The following GMEB2 variants were observed in gnomAD, a reference collection of about 807,000 sequenced individuals.
GMEB2 encodes glucocorticoid modulatory element-binding protein 2.
GMEB2 carries 7 observed loss-of-function variants against 45.7 expected under a neutral mutation model. The ratio of observed to expected loss-of-function variants is 0.15; its 90% CI spans 0.09 to 0.29. The LOEUF (loss-of-function observed/expected upper bound fraction) is 0.29. GMEB2 is among the 10% of genes least tolerant of loss of function. GMEB2 has a pLI of 1.00. For missense variants in GMEB2, 582 were observed against 739.2 expected, an observed-to-expected ratio of 0.79 and a Z score of 2.47; for synonymous variants, 322 against 323.6, an observed-to-expected ratio of 1.00 and a Z score of 0.05.
intron 2 of GMEB2, among the ~76,000 whole-genome samples, chr20:63,613,534 T>TC (rs2089585954): frequency 1.3e-5 from 2 of 151,668 alleles, no homozygotes; most frequent in South Asian, 4.2e-4. Flanking sequence ...TTTTTTTTTT[T>TC]TTTGAGACTG....
chr20:63,604,879 C>G lies in GMEB2; in HGVS notation c.132-39G>C, dbSNP rs201384291. The G allele has an allele frequency of 4.4e-6, 5 of 1,147,234 alleles. No individual in the cohort carries two copies. In the Admixed American group the frequency reaches 8.4e-5, roughly 19 times the overall value. The allele number at this position is 1,147,234 out of a possible 1,614,324, so 71.1% of individuals were successfully genotyped here. On this transcript the variant is annotated intron_variant, in intron 2 of 9. Transcript: ENST00000370077. ...GGGAGGAGAGAATAGAATCAGGATC[C>G]CGGAGGGCACAACCTGCAGGGCACT...
At position 63,593,056 on chromosome 20, in the gene GMEB2, T is replaced by A. The variant is rs146548550; in HGVS notation, c.646A>T (p.Ile216Leu). Residue 216 changes from isoleucine (I) to leucine (L), a missense_variant, in exon 7 of 10, where the codon ATA (isoleucine) becomes TTA (leucine). By Grantham distance (5) the Ile-to-Leu change is conservative (BLOSUM62 2). Around this residue, in one of 3 missense-constraint regions of GMEB2, gnomAD observed 462 missense variants for 586.7 expected, o/e 0.79. Transcript: ENST00000370077. This position sits in a 1 kb window ranked among gnomAD's most constrained non-coding sequence, Gnocchi z 4.7. ...TCGCCAGGGTCTTCACAGGTCTCTATGGTGATGGTCGCAGGAGACCCATTC... is the reference window on the plus strand; with the variant it reads ...TCGCCAGGGTCTTCACAGGTCTCTAAGGTGATGGTCGCAGGAGACCCATTC... ...DVNGSPATIT[I>L]ETCEDPGDWT... The A allele has an allele frequency of 1.2e-6, 2 of 1,611,894 alleles. No individual in the cohort carries two copies. Among genetic ancestry groups the A allele is most frequent in the Non-Finnish European group, 1.7e-6 (2 of 1,178,746 alleles).
At chr20:63,614,690 A>G (rs1025285873) in intron 2 of GMEB2, among the ~76,000 whole-genome samples, 3 of 152,176 alleles carry the variant, frequency 2.0e-5, no homozygotes, top group African/African-American at 7.2e-5. Flanking sequence ...CATCCTGTGC[A>G]CCTGGCTCTG....
intron 1 of GMEB2, among the ~76,000 whole-genome samples, chr20:63,622,997 G>A (rs902894962): frequency 1.3e-5 from 2 of 152,146 alleles, no homozygotes; most frequent in Non-Finnish European, 2.9e-5. Flanking sequence ...AGCGCCCAGA[G>A]CCCAGAGAAC....
At position 63,601,369 on chromosome 20, in the gene GMEB2, G is replaced by C. The variant is rs184070415; in HGVS notation, c.357+1596C>G. ...TTCCAGAACTCAAATAGATGTGTTTGACTCTCGTGCTTCCTGAATAAATTG... is the reference window on the plus strand; with the variant it reads ...TTCCAGAACTCAAATAGATGTGTTTCACTCTCGTGCTTCCTGAATAAATTG... On this transcript the variant is annotated intron_variant, in intron 4 of 9. Transcript: ENST00000370077. Among the ~76,000 whole-genome samples the C allele has an allele frequency of 2.0e-5, 3 of 152,232 alleles. No individual in the cohort carries two copies. The East Asian group carries it at 5.8e-4, about 29-fold the overall frequency.
intron 4 of GMEB2, among the ~76,000 whole-genome samples, chr20:63,600,746 G>A (rs1365552791): frequency 1.3e-5 from 2 of 148,442 alleles, no homozygotes; most frequent in Non-Finnish European, 3.0e-5. Context: ...AAAAGACGGA[G>A]CAGCTTCTCA....
At chr20:63,606,639 G>A (rs1055597288) in intron 2 of GMEB2, among the ~76,000 whole-genome samples, 3 of 152,068 alleles carry the variant, frequency 2.0e-5, no homozygotes, top group African/African-American at 7.2e-5. Flanking sequence ...GAGCCACTGC[G>A]CCCAGCCACC....
At position 63,589,887 on chromosome 20, in the gene GMEB2, T is replaced by C. The variant is rs1366616943; in HGVS notation, c.*202A>G. On this transcript the variant is annotated 3_prime_UTR_variant, in exon 10 of 10. Coordinates refer to ENST00000370077, the MANE Select transcript of GMEB2 (RefSeq NM_012384.5). Reference sequence around the variant, plus strand: ...AAAAAGGGGGAGGAAACGTGGGACCTGAAGACCGATTTTCCAGGTTGCTCT... The same window carrying C: ...AAAAAGGGGGAGGAAACGTGGGACCCGAAGACCGATTTTCCAGGTTGCTCT... 4 of 436,342 alleles carry C rather than the reference T, an allele frequency of 9.2e-6. No individual in the cohort carries two copies. The highest frequency in any genetic ancestry group is 6.1e-5 in the African/African-American group (3 of 49,330). The allele number at this position is 436,342 out of a possible 1,614,324, so 27.0% of individuals were successfully genotyped here.
chr20:63,616,966 G>A (rs1267820647), intron 2 of GMEB2, among the ~76,000 whole-genome samples: 1 of 151,636 alleles, frequency 6.6e-6, no homozygotes. Flanking sequence ...GTAAGACTTT[G>A]ACCTTCTGGT....
intron 4 of GMEB2, among the ~76,000 whole-genome samples, chr20:63,599,336 G>A (rs1388123029): frequency 6.6e-6 from 1 of 152,226 alleles, no homozygotes; most frequent in Non-Finnish European, 1.5e-5. Flanking sequence ...GACTGGTCGG[G>A]TGACCCACGT....
chr20:63,614,579 G>A (rs1331834103), intron 2 of GMEB2, among the ~76,000 whole-genome samples: 1 of 152,166 alleles, frequency 6.6e-6, no homozygotes, highest in Non-Finnish European at 1.5e-5. Context: ...CTTGCGGAGG[G>A]CCTGACATCA....
chr20:63,623,986 T>C (rs866727317), intron 1 of GMEB2, among the ~76,000 whole-genome samples: 25 of 151,272 alleles, frequency 1.7e-4, no homozygotes, highest in African/African-American at 5.6e-4. Flanking sequence ...GGTGTGCCCA[T>C]GTAATCCCAG....
In GMEB2 at chr20:63,590,625, G is replaced by A; in HGVS notation, c.1057C>T (p.Pro353Ser). Reference sequence around the variant, plus strand: ...AGCCGGGGCCGCTTCACAGGCGGTGGCAGGGAGACCGGCGTCAGCGTCATG... The same window carrying A: ...AGCCGGGGCCGCTTCACAGGCGGTGACAGGGAGACCGGCGTCAGCGTCATG... The part of the protein sequence containing the change: ...VLMTLTPVSL[P>S]PPVKRPRLAR... Residue 353 changes from proline to serine, a missense_variant, in exon 10 of 10, where the codon CCA becomes TCA. Transcript: ENST00000370077. 6.3e-7 allele frequency: 1 copy of A among 1,591,108 alleles called. No homozygotes were observed. The highest frequency in any genetic ancestry group is 8.6e-7 in the Non-Finnish European group (1 of 1,167,406).
Position 63,619,518 on chromosome 20 carries a change from A to C in GMEB2, c.-57-64T>G. 22 of 966,434 alleles carry C rather than the reference A, an allele frequency of 2.3e-5. No individual in the cohort carries two copies. Among genetic ancestry groups the C allele is most frequent in the Non-Finnish European group, 3.2e-5 (21 of 665,662 alleles). The allele number at this position is 966,434 out of a possible 1,614,324, so 59.9% of individuals were successfully genotyped here. On this transcript the variant is annotated intron_variant, in intron 1 of 9. Coordinates refer to ENST00000370077, the MANE Select transcript of GMEB2 (RefSeq NM_012384.5). The surrounding 1 kb of genome is among the most constrained non-coding windows in gnomAD (Gnocchi z 4.6). ...TCCACATCCACACAACATAGCACTC[A>C]CAAAGGCATCTCTAATCAGCTCCAA...
chr20:63,624,101 C>A (rs931484566), intron 1 of GMEB2, among the ~76,000 whole-genome samples: 3 of 148,786 alleles, frequency 2.0e-5, no homozygotes, highest in East Asian at 2.0e-4. Context: ...CAGAGCAAGA[C>A]CCTGTCTCAG....
At chr20:63,599,116 C>T (rs1469163810) in intron 4 of GMEB2, among the ~76,000 whole-genome samples, 2 of 152,234 alleles carry the variant, frequency 1.3e-5, no homozygotes, top group African/African-American at 2.4e-5. Flanking sequence ...AGAGCTAACG[C>T]GGCCACTCCT....
chr20:63,611,991 G>A (rs527484161), intron 2 of GMEB2, among the ~76,000 whole-genome samples: 6 of 151,848 alleles, frequency 4.0e-5, no homozygotes, highest in South Asian at 2.1e-4. Context: ...AGGAGGTCAC[G>A]GCTGCCATGA....
chr20:63,590,703 G>C lies in GMEB2; in HGVS notation c.979C>G (p.Arg327Gly). Residue 327 changes from arginine to glycine, a missense_variant, in exon 10 of 10, where the codon CGT becomes GGT. Coordinates refer to ENST00000370077, the MANE Select transcript of GMEB2 (RefSeq NM_012384.5). ...AALEQQCDEH[R>G]RRAKELKHKS... The stretch of plus-strand genomic sequence containing the variant: ...TGCTTCAGCTCCTTGGCTCGGCGAC[G>C]ATGCTCATCACACTGCTGCTCCAGG... 6.6e-7 allele frequency: 1 copy of C among 1,522,116 alleles called. No individual in the cohort carries two copies. The highest frequency in any genetic ancestry group is 8.8e-7 in the Non-Finnish European group (1 of 1,130,118). The allele number at this position is 1,522,116 out of a possible 1,614,324, so 94.3% of individuals were successfully genotyped here. A position where few individuals can be genotyped will look rare whatever the true frequency, so the allele number is the denominator to read the frequency against.
intron 4 of GMEB2, among the ~76,000 whole-genome samples, chr20:63,598,851 A>G (rs2083219918): frequency 6.6e-6 from 1 of 152,154 alleles, no homozygotes; most frequent in Admixed American, 6.5e-5. Flanking sequence ...GCTTCCGGCC[A>G]TCACTTCTAC....
Sources: gnomAD v4.1 joint callset for allele counts (sites outside exome capture counted in the v4.1 genomes callset) on GRCh38, gnomAD v4.1.1 for gene constraint, gnomAD v4.1.1 regional missense constraint, Gnocchi (gnomAD v3.1) non-coding constraint, MANE v1.5 for transcripts, NCBI Gene and HGNC (gene_info 2026-07-23, HGNC 2026-07-21) for gene names.